Variants in ZCCHC7 observed in about 807,000 individuals in gnomAD.
ZCCHC7 encodes zinc finger CCHC domain-containing protein 7.
A neutral mutation model predicts 52.0 loss-of-function variants in ZCCHC7; 35 were observed. That is an observed-to-expected ratio of 0.67 (90% confidence interval 0.51 to 0.89). ZCCHC7 has a LOEUF of 0.89. ZCCHC7 is among the 40% of genes least tolerant of loss of function. The pLI, the probability that ZCCHC7 is intolerant of heterozygous loss-of-function variation, is 0.00. For missense variants in ZCCHC7, 574 were observed against 649.1 expected, an observed-to-expected ratio of 0.88 and a Z score of 1.26; for synonymous variants, 217 against 221.5, an observed-to-expected ratio of 0.98 and a Z score of 0.18.
intron 2 of ZCCHC7, among the ~76,000 whole-genome samples, chr9:37,229,789 A>T (rs1825311287): frequency 6.6e-6 from 1 of 152,196 alleles, no homozygotes; most frequent in African/African-American, 2.4e-5. Context: ...TGCCAGTTAC[A>T]ACATTTGTAT....
chr9:37,209,448 C>T (rs1824094293), intron 2 of ZCCHC7, among the ~76,000 whole-genome samples: 1 of 152,056 alleles, frequency 6.6e-6, no homozygotes, highest in Non-Finnish European at 1.5e-5. Context: ...CTGTCTTCCT[C>T]AATTTTTTCA....
chr9:37,180,040 C>T (rs1009350276), intron 2 of ZCCHC7, among the ~76,000 whole-genome samples: 4 of 151,972 alleles, frequency 2.6e-5, no homozygotes, highest in African/African-American at 9.7e-5. Flanking sequence ...TAGGAAAAAC[C>T]AAAATGGTTA....
At chr9:37,325,388 G>A (rs1450573446) in intron 5 of ZCCHC7, among the ~76,000 whole-genome samples, 1 of 152,156 alleles carries the variant, frequency 6.6e-6, no homozygotes, top group African/African-American at 2.4e-5. Flanking sequence ...CAGCTGACTA[G>A]TAATTCATTT....
At chr9:37,131,418 G>A (rs1213401867) in intron 2 of ZCCHC7, among the ~76,000 whole-genome samples, 1 of 151,820 alleles carries the variant, frequency 6.6e-6, no homozygotes, top group African/African-American at 2.4e-5. Context: ...GGCTGAGGTG[G>A]GTGGATCACT....
At chr9:37,342,511 G>A (rs554086229) in intron 6 of ZCCHC7, among the ~76,000 whole-genome samples, 101 of 152,322 alleles carry the variant, frequency 6.6e-4, no homozygotes, top group African/African-American at 1.8e-3. Context: ...GAGAAGAAAA[G>A]CAGTCTAAGG....
chr9:37,281,408 C>T, intron 2 of ZCCHC7, among the ~76,000 whole-genome samples: 1 of 152,102 alleles, frequency 6.6e-6, no homozygotes, highest in East Asian at 1.9e-4. Context: ...TGTGTGTTTT[C>T]CTCTTGAGTT....
chr9:37,130,399 G>C (rs1842731597), intron 2 of ZCCHC7, among the ~76,000 whole-genome samples: 1 of 125,716 alleles, frequency 8.0e-6, no homozygotes, highest in Non-Finnish European at 1.6e-5. Flanking sequence ...AATAGAGCAA[G>C]GCTAGTTTGG....
At chr9:37,283,654 A>G (rs1457721963) in intron 2 of ZCCHC7, among the ~76,000 whole-genome samples, 1 of 152,174 alleles carries the variant, frequency 6.6e-6, no homozygotes, top group Non-Finnish European at 1.5e-5. Flanking sequence ...CAGTTTTGTT[A>G]TAGGCACCTC....
intron 2 of ZCCHC7, among the ~76,000 whole-genome samples, chr9:37,268,724 C>A (rs912558627): frequency 2.0e-5 from 3 of 152,202 alleles, no homozygotes; most frequent in African/African-American, 7.2e-5. Flanking sequence ...CCGCGCCCGG[C>A]CGCAAAATTT....
intron 2 of ZCCHC7, among the ~76,000 whole-genome samples, chr9:37,196,735 T>A (rs1823308051): frequency 6.6e-6 from 1 of 152,190 alleles, no homozygotes. Context: ...TGTTTTTATA[T>A]AAATATTTGA....
chr9:37,327,747 T>A, intron 5 of ZCCHC7, 52 bp from the exon 6 acceptor site: 1 of 1,608,316 alleles, frequency 6.2e-7, no homozygotes, highest in Non-Finnish European at 8.5e-7. Flanking sequence ...ACCAACAGGC[T>A]GTAAAGTACC....
intron 5 of ZCCHC7, among the ~76,000 whole-genome samples, chr9:37,311,619 A>C (rs756385073): frequency 6.9e-4 from 105 of 152,296 alleles, no homozygotes; most frequent in Admixed American, 2.2e-3. Flanking sequence ...TATGTTGGCC[A>C]GGCTGATGTC....
At chr9:37,198,590 AT>A (rs1823412001) in intron 2 of ZCCHC7, among the ~76,000 whole-genome samples, 1 of 152,186 alleles carries the variant, frequency 6.6e-6, no homozygotes, top group Non-Finnish European at 1.5e-5. Context: ...AGGAATTAAG[AT>A]AATACAAAGT....
At chr9:37,278,194 G>A (rs1199080498) in intron 2 of ZCCHC7, among the ~76,000 whole-genome samples, 2 of 151,974 alleles carry the variant, frequency 1.3e-5, no homozygotes, top group African/African-American at 4.8e-5. Flanking sequence ...CAAGTAGCTC[G>A]GACTGTAGGT....
intron 2 of ZCCHC7, among the ~76,000 whole-genome samples, chr9:37,137,271 G>A (rs1363208309): frequency 6.6e-6 from 1 of 152,118 alleles, no homozygotes; most frequent in East Asian, 1.9e-4. Context: ...TTTTTAAAAA[G>A]ATTAAAAAGT....
chr9:37,163,870 A>G (rs927721236), intron 2 of ZCCHC7, among the ~76,000 whole-genome samples: 3 of 152,162 alleles, frequency 2.0e-5, no homozygotes, highest in African/African-American at 7.2e-5. Flanking sequence ...GTGAGGTGTA[A>G]ATCAGAGTCC....
chr9:37,303,004 A>ATT lies in ZCCHC7; in HGVS notation c.654+773_654+774insTT, dbSNP rs1829106632. On this transcript the variant is annotated intron_variant, in intron 3 of 8. Transcript: ENST00000336755. ...AGGCAGTAACCCTGTGCTGTTCAAAAGAATGGATATATTGGGTAGCTGTAC... is the reference window on the plus strand; with the variant it reads ...AGGCAGTAACCCTGTGCTGTTCAAAATTGAATGGATATATTGGGTAGCTGTAC... Among the ~76,000 whole-genome samples, 4 of 152,348 alleles carry ATT rather than the reference A, an allele frequency of 2.6e-5. No individual in the cohort carries two copies. In the South Asian group the frequency reaches 8.3e-4, roughly 32 times the overall value.
chr9:37,129,569 G>A (rs1842688775), intron 2 of ZCCHC7, among the ~76,000 whole-genome samples: 1 of 152,158 alleles, frequency 6.6e-6, no homozygotes, highest in Non-Finnish European at 1.5e-5. Flanking sequence ...AATCTTTAGA[G>A]AGAAGATTTT....
At chr9:37,158,799 C>T (rs1267543904) in intron 2 of ZCCHC7, among the ~76,000 whole-genome samples, 1 of 152,114 alleles carries the variant, frequency 6.6e-6, no homozygotes, top group Non-Finnish European at 1.5e-5. Flanking sequence ...ATGGGGCAGT[C>T]ACCAGTTGTT....
Sources: gnomAD v4.1 joint callset for allele counts (sites outside exome capture counted in the v4.1 genomes callset) on GRCh38, gnomAD v4.1.1 for gene constraint, MANE v1.5 for transcripts, NCBI Gene and HGNC (gene_info 2026-07-23, HGNC 2026-07-21) for gene names.